AK5: variants seen among roughly 807,000 people sequenced by gnomAD.
AK5 encodes the protein adenylate kinase isoenzyme 5.
A neutral mutation model predicts 69.5 loss-of-function variants in AK5; 27 were observed. The observed-to-expected ratio is 0.39, with a 90% CI of 0.29 to 0.54. The LOEUF (loss-of-function observed/expected upper bound fraction) is 0.54, where lower values mean the gene tolerates loss of function less well. AK5 is among the 20% of genes least tolerant of loss of function. The pLI is 0.71. For missense variants in AK5, 531 were observed against 700.4 expected, an observed-to-expected ratio of 0.76 and a Z score of 2.73; for synonymous variants, 260 against 244.4, an observed-to-expected ratio of 1.06 and a Z score of -0.60.
intron 6 of AK5, among the ~76,000 whole-genome samples, chr1:77,344,108 A>G (rs948339993): frequency 2.0e-5 from 3 of 152,164 alleles, no homozygotes; most frequent in East Asian, 3.9e-4. Context: ...CTCATTGACT[A>G]TATCTGTTGG....
intron 5 of AK5, chr1:77,314,859 C>T (rs1660163387): frequency 6.6e-6 from 1 of 152,058 alleles, no homozygotes; most frequent in Admixed American, 6.6e-5. Context: ...TGAAATGACA[C>T]AGATATCTCA....
At chr1:77,352,494 A>C (rs1662262615) in intron 6 of AK5, among the ~76,000 whole-genome samples, 1 of 152,220 alleles carries the variant, frequency 6.6e-6, no homozygotes, top group Non-Finnish European at 1.5e-5. Flanking sequence ...CAGGGAATTC[A>C]ACCAGAACTT....
chr1:77,516,488 A>T (rs1657651319), intron 10 of AK5, among the ~76,000 whole-genome samples: 1 of 152,202 alleles, frequency 6.6e-6, no homozygotes, highest in Non-Finnish European at 1.5e-5. Flanking sequence ...ATTATTTCAC[A>T]ATATATATGT....
intron 5 of AK5, among the ~76,000 whole-genome samples, chr1:77,303,486 A>T (rs372310457): frequency 5.3e-5 from 8 of 152,360 alleles, no homozygotes. Context: ...ATTGCTTTAT[A>T]TATTTGCAAA....
At chr1:77,507,152 C>A (rs1332376638) in intron 10 of AK5, among the ~76,000 whole-genome samples, 2 of 152,200 alleles carry the variant, frequency 1.3e-5, no homozygotes, top group African/African-American at 4.8e-5. Context: ...GACTGGGTGT[C>A]CTGTATTTTA....
chr1:77,340,726 C>T, intron 6 of AK5, 158 bp downstream of exon 6: 2 of 464,240 alleles, frequency 4.3e-6, no homozygotes, highest in Non-Finnish European at 7.1e-6. Context: ...CCTGATTTGC[C>T]TTTTTAAGCC....
intron 5 of AK5, among the ~76,000 whole-genome samples, chr1:77,312,628 AAC>A (rs1246244099): frequency 1.5e-4 from 23 of 151,700 alleles, no homozygotes; most frequent in African/African-American, 4.4e-4. Context: ...AAAAAAAAAA[AAC>A]AAAAAGTCCC....
intron 10 of AK5, 112 bp downstream of exon 10, chr1:77,486,464 G>A: frequency 1.5e-6 from 1 of 665,394 alleles, no homozygotes; most frequent in African/African-American, 1.9e-5. Context: ...GGGAGGCCAA[G>A]GCGGGCAGAT....
intron 5 of AK5, among the ~76,000 whole-genome samples, chr1:77,324,551 A>T (rs866028910): frequency 6.6e-6 from 1 of 152,196 alleles, no homozygotes; most frequent in South Asian, 2.1e-4. Context: ...ATTAGTAATG[A>T]TGATTCTCTG....
chr1:77,399,176 T>C (rs551170031), intron 6 of AK5, among the ~76,000 whole-genome samples: 39 of 152,318 alleles, frequency 2.6e-4, no homozygotes, highest in African/African-American at 8.2e-4. Flanking sequence ...AGCAGAATAT[T>C]GGGCACTTGA....
At chr1:77,456,722 G>GTTCCA (rs1653507037) in intron 8 of AK5, among the ~76,000 whole-genome samples, 1 of 152,128 alleles carries the variant, frequency 6.6e-6, no homozygotes, top group South Asian at 2.1e-4. Flanking sequence ...GAACCATGCA[G>GTTCCA]AATGGGGAAG....
At chr1:77,301,716 T>C (rs1659351725) in intron 5 of AK5, among the ~76,000 whole-genome samples, 1 of 152,162 alleles carries the variant, frequency 6.6e-6, no homozygotes, top group African/African-American at 2.4e-5. Context: ...CATGTTATCT[T>C]CCTTGTCTAC....
intron 6 of AK5, among the ~76,000 whole-genome samples, chr1:77,351,110 T>G (rs930634756): frequency 1.3e-5 from 2 of 152,194 alleles, no homozygotes; most frequent in Non-Finnish European, 2.9e-5. Context: ...AAAGAATAAC[T>G]GGGCCGGGCG....
rs900187459 is a variant in AK5, at chr1:77,316,023, G to A, written c.699+18076G>A. Reference sequence around the variant, plus strand: ...GTGGTGCTTTTGTTTTCTAAGGTGTGAAGTATGCTGTTTATAAAAGTACTG... The same window carrying A: ...GTGGTGCTTTTGTTTTCTAAGGTGTAAAGTATGCTGTTTATAAAAGTACTG... On this transcript the variant is annotated intron_variant, in intron 5 of 13. Coordinates refer to ENST00000354567, the MANE Select transcript of AK5 (RefSeq NM_174858.3). 3.9e-5 allele frequency among the ~76,000 whole-genome samples: 6 copies of A among 152,150 alleles called. No homozygotes were observed. In the East Asian group the frequency reaches 1.2e-3, roughly 29 times the overall value.
chr1:77,356,761 C>G (rs964515264), intron 6 of AK5, among the ~76,000 whole-genome samples: 2 of 152,172 alleles, frequency 1.3e-5, no homozygotes, highest in African/African-American at 2.4e-5. Context: ...GCCATATGTG[C>G]TATGTACTTT....
At chr1:77,349,466 T>A (rs971372640) in intron 6 of AK5, 4 of 152,184 alleles carry the variant, frequency 2.6e-5, no homozygotes, top group African/African-American at 7.2e-5. Flanking sequence ...TCAACCCAGA[T>A]CACACTGCTG....
chr1:77,522,084 TA>T (rs1224838903), intron 12 of AK5, 141 bp downstream of exon 12: 27 of 644,516 alleles, frequency 4.2e-5, no homozygotes, highest in Non-Finnish European at 6.4e-5. Context: ...ACTAGAAATT[TA>T]AAAAAAGGAG....
At chr1:77,538,611 C>T (rs546826291) in intron 13 of AK5, among the ~76,000 whole-genome samples, 1 of 151,798 alleles carries the variant, frequency 6.6e-6, no homozygotes, top group East Asian at 1.9e-4. Flanking sequence ...AATCACACCA[C>T]TGCACTCCAG....
intron 6 of AK5, among the ~76,000 whole-genome samples, chr1:77,407,204 T>C (rs1216188321): frequency 2.6e-5 from 4 of 152,008 alleles, no homozygotes; most frequent in Non-Finnish European, 5.9e-5. Flanking sequence ...AATGGAGACA[T>C]GGAAAATTTT....
Sources: gnomAD v4.1 joint callset for allele counts (sites outside exome capture counted in the v4.1 genomes callset) on GRCh38, gnomAD v4.1.1 for gene constraint, MANE v1.5 for transcripts, NCBI Gene and HGNC (gene_info 2026-07-23, HGNC 2026-07-21) for gene names.